The following UST variants were observed in gnomAD, a reference collection of about 807,000 sequenced individuals.
The protein encoded by UST is chondroitin sulfate 2-O-sulfotransferase.
A neutral mutation model predicts 45.6 loss-of-function variants in UST; 21 were observed. The ratio of observed to expected loss-of-function variants is 0.46; its 90% CI spans 0.33 to 0.66. The LOEUF (loss-of-function observed/expected upper bound fraction) is 0.66, where lower values mean the gene tolerates loss of function less well. Ranked by LOEUF, UST falls within the 30% of genes least tolerant of loss-of-function variation. UST has a pLI of 0.02. For missense variants in UST, 463 were observed against 512.4 expected, an observed-to-expected ratio of 0.90 and a Z score of 0.93; for synonymous variants, 215 against 200.6, an observed-to-expected ratio of 1.07 and a Z score of -0.61.
At chr6:148,931,077 T>A (rs1779913835) in intron 2 of UST, among the ~76,000 whole-genome samples, 1 of 152,170 alleles carries the variant, frequency 6.6e-6, no homozygotes, top group Non-Finnish European at 1.5e-5. Context: ...TCTCTTCTTC[T>A]GAGGGTTGTA....
chr6:148,756,971 C>T (rs1355142052), intron 1 of UST, among the ~76,000 whole-genome samples: 1 of 152,206 alleles, frequency 6.6e-6, no homozygotes, highest in Non-Finnish European at 1.5e-5. Context: ...GAAGCTGATG[C>T]TCCAAGCAAA....
At chr6:148,773,322 G>A (rs1373780233) in intron 1 of UST, among the ~76,000 whole-genome samples, 3 of 152,100 alleles carry the variant, frequency 2.0e-5, no homozygotes, top group Non-Finnish European at 4.4e-5. Context: ...TTAGCCGGCT[G>A]TGGTGGCAGA....
At chr6:148,857,376 T>C (rs1778224587) in intron 1 of UST, among the ~76,000 whole-genome samples, 1 of 152,182 alleles carries the variant, frequency 6.6e-6, no homozygotes, top group South Asian at 2.1e-4. Context: ...TAGCCATCCT[T>C]TAAGGCACAG....
chr6:148,988,573 C>A (rs1054154177), intron 5 of UST, among the ~76,000 whole-genome samples: 929 of 86,416 alleles, frequency 0.011, no homozygotes, highest in South Asian at 0.023. Context: ...GACCCTGTCT[C>A]AAAAAAAAAA....
chr6:148,989,209 G>GCC (rs777308805), intron 5 of UST, among the ~76,000 whole-genome samples: 61 of 95,396 alleles, frequency 6.4e-4, no homozygotes, highest in African/African-American at 1.6e-3. Context: ...TTCAGTAAAG[G>GCC]CCCCCCCCCA....
chr6:148,836,911 C>T (rs1777794992), intron 1 of UST, among the ~76,000 whole-genome samples: 1 of 152,126 alleles, frequency 6.6e-6, no homozygotes. Flanking sequence ...ATTTGGGGGA[C>T]TGGACTACAA....
intron 1 of UST, among the ~76,000 whole-genome samples, chr6:148,812,988 C>A (rs574712535): frequency 6.6e-6 from 1 of 152,098 alleles, no homozygotes; most frequent in Non-Finnish European, 1.5e-5. Context: ...GCAGAATTAT[C>A]GGATCATACA....
intron 1 of UST, among the ~76,000 whole-genome samples, chr6:148,830,368 A>G (rs1219535078): frequency 4.6e-5 from 7 of 152,220 alleles, no homozygotes; most frequent in African/African-American, 1.4e-4. Context: ...AGATATGGCA[A>G]TTAATATGGG....
chr6:148,790,905 T>C lies in UST; in HGVS notation c.247+43228T>C, dbSNP rs1202303142. Among the ~76,000 whole-genome samples the C allele has an allele frequency of 6.6e-6, 1 of 152,208 alleles. No individual in the cohort carries two copies. The highest frequency in any genetic ancestry group is 2.4e-5 in the African/African-American group (1 of 41,464). On this transcript the variant is annotated intron_variant, in intron 1 of 7. Coordinates refer to ENST00000367463, the MANE Select transcript of UST (RefSeq NM_005715.3). This position sits in a 1 kb window ranked among gnomAD's most constrained non-coding sequence, Gnocchi z 4.2. ...CTGCCCGTTCCTGCGTCTCCACTCC[T>C]TTGTAGGTTGTATCTGAGTACATGC... is the stretch of plus-strand genomic sequence containing the variant.
intron 2 of UST, among the ~76,000 whole-genome samples, chr6:148,899,511 G>A (rs1779207542): frequency 6.6e-6 from 1 of 152,086 alleles, no homozygotes; most frequent in Non-Finnish European, 1.5e-5. Context: ...TTATAGACTA[G>A]CAGGAAAAAA....
intron 7 of UST, among the ~76,000 whole-genome samples, chr6:149,029,015 A>T (rs1454930433): frequency 1.3e-5 from 2 of 152,202 alleles, no homozygotes; most frequent in Admixed American, 1.3e-4. Context: ...TTTGTCCAGC[A>T]GGTGGCGATG....
rs564117753 is a variant in UST, at chr6:148,930,749, C to G, written c.292-10530C>G. ...GGTGCAGGGATAGGAAGAGGTGTGA[C>G]TGGTCAGGGGCCATTATCGTACCAA... is the stretch of plus-strand genomic sequence containing the variant. On this transcript the variant is annotated intron_variant, in intron 2 of 7. Coordinates refer to ENST00000367463, the MANE Select transcript of UST (RefSeq NM_005715.3). Among the ~76,000 whole-genome samples the G allele has an allele frequency of 2.6e-5, 4 of 152,148 alleles. No homozygotes were observed. In the East Asian group the frequency reaches 7.7e-4, roughly 29 times the overall value.
At chr6:149,023,174 G>C (rs994745014) in intron 7 of UST, among the ~76,000 whole-genome samples, 3 of 151,410 alleles carry the variant, frequency 2.0e-5, no homozygotes, top group Non-Finnish European at 2.9e-5. Context: ...TGTGGTGTGT[G>C]TGTGTCTAAT....
At chr6:148,778,045 C>A (rs1776568418) in intron 1 of UST, among the ~76,000 whole-genome samples, 1 of 152,100 alleles carries the variant, frequency 6.6e-6, no homozygotes, top group Non-Finnish European at 1.5e-5. Flanking sequence ...TGATGAAATG[C>A]CCTAACAATG....
intron 7 of UST, among the ~76,000 whole-genome samples, chr6:149,073,019 A>G (rs929357989): frequency 3.3e-5 from 5 of 152,262 alleles, no homozygotes; most frequent in Non-Finnish European, 7.3e-5. Flanking sequence ...TGTACACTCT[A>G]TATATAACAT....
intron 2 of UST, among the ~76,000 whole-genome samples, chr6:148,938,794 T>C (rs1780067668): frequency 6.6e-6 from 1 of 151,092 alleles, no homozygotes. Context: ...ATAAATAGTA[T>C]ATAATATTAT....
intron 7 of UST, among the ~76,000 whole-genome samples, chr6:149,034,469 C>G (rs908592268): frequency 2.7e-5 from 4 of 150,204 alleles, no homozygotes; most frequent in African/African-American, 4.9e-5. Context: ...TCCCTTCCCC[C>G]AGAGGCCCTC....
Position 148,828,757 on chromosome 6 carries a change from G to C in UST, c.248-58229G>C, listed in dbSNP as rs959812290. 2.0e-5 allele frequency among the ~76,000 whole-genome samples: 3 copies of C among 152,358 alleles called. No individual in the cohort carries two copies. The East Asian group carries it at 5.8e-4, about 29-fold the overall frequency. On this transcript the variant is annotated intron_variant, in intron 1 of 7. Transcript: ENST00000367463. ...GCTTTGGAGCAAAAGTATTCATTAA[G>C]TAATCATTACTGACCACCTACTAAG... is the stretch of plus-strand genomic sequence containing the variant.
intron 5 of UST, among the ~76,000 whole-genome samples, chr6:149,009,523 G>A (rs188310317): frequency 6.6e-5 from 10 of 151,084 alleles, no homozygotes; most frequent in African/African-American, 2.4e-4. Flanking sequence ...GTTAGAGAGA[G>A]AAATGTTAAA....
Sources: gnomAD v4.1 joint callset for allele counts (sites outside exome capture counted in the v4.1 genomes callset) on GRCh38, gnomAD v4.1.1 for gene constraint, Gnocchi (gnomAD v3.1) non-coding constraint, MANE v1.5 for transcripts, NCBI Gene and HGNC (gene_info 2026-07-23, HGNC 2026-07-21) for gene names.